Variants in PTPN4 observed in about 807,000 individuals in gnomAD.
PTPN4 encodes the protein tyrosine-protein phosphatase non-receptor type 4.
PTPN4 carries 49 observed loss-of-function variants against 135.5 expected under a neutral mutation model. The observed-to-expected ratio is 0.36, with a 90% CI of 0.29 to 0.46. PTPN4 has a LOEUF of 0.46. PTPN4 is among the 20% of genes least tolerant of loss of function. The probability of loss-of-function intolerance (pLI) is 1.00; values close to 1 mark genes in which losing one functional copy is unlikely to be tolerated. For missense variants in PTPN4, 860 were observed against 1,101.0 expected, an observed-to-expected ratio of 0.78 and a Z score of 3.10; for synonymous variants, 333 against 369.9, an observed-to-expected ratio of 0.90 and a Z score of 1.14.
At chr2:119,887,208 G>T (rs1678172383) in intron 9 of PTPN4, among the ~76,000 whole-genome samples, 1 of 152,116 alleles carries the variant, frequency 6.6e-6, no homozygotes, top group African/African-American at 2.4e-5. Flanking sequence ...ATAAAAAGGG[G>T]CTGGGCATAA....
At chr2:119,964,597 T>A (rs1355924726) in intron 24 of PTPN4, among the ~76,000 whole-genome samples, 1 of 152,232 alleles carries the variant, frequency 6.6e-6, no homozygotes, top group African/African-American at 2.4e-5. Flanking sequence ...TTTTTAAGCA[T>A]TTCTCTGGGT....
chr2:119,798,732 A>G (rs540804796), intron 1 of PTPN4, among the ~76,000 whole-genome samples: 171 of 152,326 alleles, frequency 1.1e-3, no homozygotes, highest in African/African-American at 4.0e-3. Flanking sequence ...CAATTCACTT[A>G]AGCTTTAGGT....
At chr2:119,971,716 GTATCATAGATGAGAAATTAT>G (rs772102702) in intron 26 of PTPN4, among the ~76,000 whole-genome samples, 6 of 152,084 alleles carry the variant, frequency 3.9e-5, no homozygotes, top group Non-Finnish European at 8.8e-5. Flanking sequence ...TATGCTTTTG[GTATCATAGATGAGAAATTAT>G]TACCTAACCC....
rs1203585580 is a variant in PTPN4 at position 119,977,117 on chromosome 2, A to G, written c.*47A>G. The G allele has an allele frequency of 1.9e-6, 3 of 1,548,058 alleles. No individual in the cohort carries two copies. Among genetic ancestry groups the G allele is most frequent in the Non-Finnish European group, 2.6e-6 (3 of 1,154,352 alleles). ...ATGTGTTGGAAAACTGCTTTCCCTT[A>G]TGTTCACTGTGCCATAATGCTGCTC... On this transcript the variant is annotated 3_prime_UTR_variant, in exon 27 of 27. Coordinates refer to ENST00000263708, the MANE Select transcript of PTPN4 (RefSeq NM_002830.4).
intron 1 of PTPN4, among the ~76,000 whole-genome samples, chr2:119,764,884 TAA>T (rs1399791340): frequency 6.6e-6 from 1 of 152,184 alleles, no homozygotes; most frequent in Non-Finnish European, 1.5e-5. Flanking sequence ...ATTTAAAAAA[TAA>T]AGTTGTGTGG....
chr2:119,797,585 C>G (rs1691285078), intron 1 of PTPN4, among the ~76,000 whole-genome samples: 1 of 152,168 alleles, frequency 6.6e-6, no homozygotes, highest in African/African-American at 2.4e-5. Flanking sequence ...TGATCTCTTT[C>G]CTCCATTCTC....
intron 2 of PTPN4, among the ~76,000 whole-genome samples, chr2:119,859,370 A>C (rs762818599): frequency 1.3e-5 from 2 of 152,166 alleles, no homozygotes; most frequent in East Asian, 3.9e-4. Flanking sequence ...GATCGCATTT[A>C]ATTGGCTTTG....
intron 18 of PTPN4, among the ~76,000 whole-genome samples, chr2:119,951,178 C>CTT (rs1679206423): frequency 6.6e-6 from 1 of 152,202 alleles, no homozygotes; most frequent in African/African-American, 2.4e-5. Context: ...ACTTGACACA[C>CTT]TTTCAGTACT....
At chr2:119,823,154 G>A (rs1423740072) in intron 2 of PTPN4, among the ~76,000 whole-genome samples, 1 of 151,698 alleles carries the variant, frequency 6.6e-6, no homozygotes, top group Non-Finnish European at 1.5e-5. Flanking sequence ...ACCTCTAGGA[G>A]CTTTAAAAAC....
chr2:119,790,637 C>G (rs1166821278), intron 1 of PTPN4, among the ~76,000 whole-genome samples: 3 of 151,994 alleles, frequency 2.0e-5, no homozygotes, highest in Non-Finnish European at 4.4e-5. Flanking sequence ...AAAATCCATT[C>G]TGCTCATCTC....
At chr2:119,855,426 G>C (rs1157104586) in intron 2 of PTPN4, among the ~76,000 whole-genome samples, 1 of 152,148 alleles carries the variant, frequency 6.6e-6, no homozygotes, top group African/African-American at 2.4e-5. Flanking sequence ...ATATAGCCCT[G>C]TTCCTTGAAG....
intron 26 of PTPN4, among the ~76,000 whole-genome samples, chr2:119,975,981 A>AT (rs201604174): frequency 0.024 from 3,308 of 138,290 alleles, 52 homozygotes; most frequent in Non-Finnish European, 0.032. Flanking sequence ...ATTTTATTTT[A>AT]TTTTTATTTA....
At chr2:119,843,608 C>T (rs1423756591) in intron 2 of PTPN4, among the ~76,000 whole-genome samples, 1 of 96,340 alleles carries the variant, frequency 1.0e-5, no homozygotes, top group South Asian at 3.9e-4. Context: ...GGCGGCTGGC[C>T]GGGCAGGGGG....
At position 119,977,161 on chromosome 2, in the gene PTPN4, C is replaced by CAAA; in HGVS notation, c.*99_*101dup. On this transcript the variant is annotated 3_prime_UTR_variant, in exon 27 of 27. Transcript: ENST00000263708. ...GCTGCTCGCAGGAAATGGCATTTTA[C>CAAA]AAAAAAAAAATGAAGAACTCAAAAA... 2.4e-6 allele frequency: 3 copies of CAAA among 1,248,806 alleles called. No individual in the cohort carries two copies. Among genetic ancestry groups the CAAA allele is most frequent in the Non-Finnish European group, 2.1e-6 (2 of 968,064 alleles). 77.4% of individuals were successfully genotyped at this position (1,248,806 alleles called of 1,614,324 possible). A position where few individuals can be genotyped will look rare whatever the true frequency, so the allele number is the denominator to read the frequency against.
chr2:119,952,572 C>G (rs1431765877), intron 19 of PTPN4, among the ~76,000 whole-genome samples: 1 of 152,138 alleles, frequency 6.6e-6, no homozygotes, highest in African/African-American at 2.4e-5. Flanking sequence ...TACTAGTACT[C>G]AATAAATACT....
intron 19 of PTPN4, among the ~76,000 whole-genome samples, chr2:119,953,529 G>A (rs1679238036): frequency 1.3e-5 from 2 of 152,072 alleles, no homozygotes; most frequent in Admixed American, 1.3e-4. Context: ...TGTTCATTTA[G>A]ACTTGATACT....
rs1419919797 is a variant in PTPN4, at chr2:119,978,543, A to G, written c.*1473A>G. ...CCTAATGGAGGATCTGATTCCCATTAAGGATGTGGGAATTCCCGTATTTTC... is the reference window on the plus strand; with the variant it reads ...CCTAATGGAGGATCTGATTCCCATTGAGGATGTGGGAATTCCCGTATTTTC... On this transcript the variant is annotated 3_prime_UTR_variant, in exon 27 of 27. Coordinates refer to ENST00000263708, the MANE Select transcript of PTPN4 (RefSeq NM_002830.4). 6.6e-6 allele frequency: 1 copy of G among 152,292 alleles called. No individual in the cohort carries two copies. The highest frequency in any genetic ancestry group is 6.5e-5 in the Admixed American group (1 of 15,296). The allele number at this position is 152,292 out of a possible 1,614,324, so 9.4% of individuals were successfully genotyped here.
intron 2 of PTPN4, among the ~76,000 whole-genome samples, chr2:119,819,158 C>T (rs569186647): frequency 6.6e-6 from 1 of 152,150 alleles, no homozygotes; most frequent in Non-Finnish European, 1.5e-5. Flanking sequence ...TCTGCTTGGG[C>T]TTTGTTTCTC....
At chr2:119,909,299 A>C (rs1210696258) in intron 10 of PTPN4, among the ~76,000 whole-genome samples, 1 of 152,220 alleles carries the variant, frequency 6.6e-6, no homozygotes, top group East Asian at 1.9e-4. Context: ...AGTTGAAGCC[A>C]GTGCTCATTT....
Sources: allele counts gnomAD v4.1 joint callset (sites outside exome capture counted in the v4.1 genomes callset), GRCh38; gene constraint gnomAD v4.1.1; transcripts MANE v1.5; gene names NCBI Gene and HGNC (gene_info 2026-07-23, HGNC 2026-07-21).